The following RUNX2 variants were observed in gnomAD, a reference collection of about 807,000 sequenced individuals.
RUNX2 encodes the protein RUNX family transcription factor 2, also known as runt-related transcription factor 2.
A neutral mutation model predicts 51.7 loss-of-function variants in RUNX2; 10 were observed. The observed-to-expected ratio is 0.19, with a 90% confidence interval of 0.12 to 0.33. The LOEUF is 0.33. Among genes scored for constraint, RUNX2 ranks in the 10% least tolerant of loss-of-function variants. The probability of loss-of-function intolerance (pLI) is 1.00; values close to 1 mark genes in which losing one functional copy is unlikely to be tolerated. For missense variants in RUNX2, 562 were observed against 691.3 expected, an observed-to-expected ratio of 0.81 and a Z score of 2.10; for synonymous variants, 276 against 273.6, an observed-to-expected ratio of 1.01 and a Z score of -0.09.
At chr6:45,341,279 C>T (rs1789721225) in intron 2 of RUNX2, among the ~76,000 whole-genome samples, 1 of 152,100 alleles carries the variant, frequency 6.6e-6, no homozygotes, top group African/African-American at 2.4e-5. Flanking sequence ...AGAAAAAATG[C>T]TGATTAGAAA....
At chr6:45,416,999 A>G (rs775059374) in intron 2 of RUNX2, among the ~76,000 whole-genome samples, 1 of 152,228 alleles carries the variant, frequency 6.6e-6, no homozygotes, top group Non-Finnish European at 1.5e-5. Flanking sequence ...AAATTATTAT[A>G]GGTCCATTGA....
At chr6:45,336,278 C>T (rs905335129) in intron 2 of RUNX2, among the ~76,000 whole-genome samples, 3 of 151,338 alleles carry the variant, frequency 2.0e-5, no homozygotes, top group African/African-American at 7.2e-5. Flanking sequence ...AAGCTTTATT[C>T]TTGATTATGT....
intron 2 of RUNX2, among the ~76,000 whole-genome samples, chr6:45,338,510 C>A (rs1789089554): frequency 6.6e-6 from 1 of 152,008 alleles, no homozygotes; most frequent in Non-Finnish European, 1.5e-5. Context: ...GCTACAAGAG[C>A]ACTGATTTCA....
rs183099648 is a variant in RUNX2 at position 45,409,527 on chromosome 6, C to T, written c.59-13066C>T. On this transcript the variant is annotated intron_variant, in intron 2 of 8. Transcript: ENST00000647337. ...TATATCTAGGGTAGATACTTAGGTA[C>T]GGAATTGCTAAGTCATACAGCATAT... Among the ~76,000 whole-genome samples the T allele has an allele frequency of 2.2e-3, 329 of 152,200 alleles. 1 individual carries two copies. Among genetic ancestry groups the T allele is most frequent in the African/African-American group, 7.1e-3 (294 of 41,528 alleles).
rs1453410648 is a variant in RUNX2, at chr6:45,550,919, C to A, written c.*3614C>A. On this transcript the variant is annotated 3_prime_UTR_variant, in exon 9 of 9. Transcript: ENST00000647337. ...CATATTGTAAAAATTCCGCTTTGTG[C>A]CACAGGTCATGATTGTGGATGAGTT... The A allele has an allele frequency of 2.6e-5, 4 of 152,552 alleles. No individual in the cohort carries two copies. The highest frequency in any genetic ancestry group is 9.7e-5 in the African/African-American group (4 of 41,414). The allele number at this position is 152,552 out of a possible 1,614,324, so 9.4% of individuals were successfully genotyped here. A position where few individuals can be genotyped will look rare whatever the true frequency, so the allele number is the denominator to read the frequency against.
chr6:45,357,482 T>TA (rs1793455841), intron 2 of RUNX2, among the ~76,000 whole-genome samples: 1 of 151,998 alleles, frequency 6.6e-6, no homozygotes, highest in African/African-American at 2.4e-5. Flanking sequence ...AGGGCCCAGA[T>TA]AATTGCTTTT....
At chr6:45,389,384 G>T (rs763126399) in intron 2 of RUNX2, among the ~76,000 whole-genome samples, 24 of 152,262 alleles carry the variant, frequency 1.6e-4, no homozygotes, top group South Asian at 1.0e-3. Flanking sequence ...ACAGATCACT[G>T]GTCTAGAAAG....
At chr6:45,426,841 C>G (rs913602064) in intron 3 of RUNX2, among the ~76,000 whole-genome samples, 2 of 152,264 alleles carry the variant, frequency 1.3e-5, no homozygotes, top group African/African-American at 4.8e-5. Flanking sequence ...CCATTTTTCT[C>G]TCTTCGAAAA....
intron 2 of RUNX2, among the ~76,000 whole-genome samples, chr6:45,419,521 G>C (rs1419702493): frequency 6.6e-6 from 1 of 152,156 alleles, no homozygotes; most frequent in Non-Finnish European, 1.5e-5. Context: ...GTGTGTGTCC[G>C]AGTGCACATG....
intron 7 of RUNX2, among the ~76,000 whole-genome samples, chr6:45,541,841 T>C (rs1474594002): frequency 6.6e-6 from 1 of 152,234 alleles, no homozygotes; most frequent in Non-Finnish European, 1.5e-5. Flanking sequence ...TCTGTTATTT[T>C]GGTCAAATTC....
chr6:45,328,837 A>T, intron 2 of RUNX2, 53 bp downstream of exon 2: 1 of 1,561,828 alleles, frequency 6.4e-7, no homozygotes, highest in African/African-American at 1.4e-5. Flanking sequence ...TTAAACATAA[A>T]GGTATGATTC....
At chr6:45,503,036 C>T (rs1800845506) in intron 6 of RUNX2, among the ~76,000 whole-genome samples, 1 of 152,178 alleles carries the variant, frequency 6.6e-6, no homozygotes, top group African/African-American at 2.4e-5. Flanking sequence ...CCCTCTTAAC[C>T]TCCCTTACTC....
chr6:45,536,215 G>A (rs1802029124), intron 7 of RUNX2, among the ~76,000 whole-genome samples: 1 of 152,048 alleles, frequency 6.6e-6, no homozygotes, highest in African/African-American at 2.4e-5. Context: ...CCTGGGGCAG[G>A]AACCCCTCCC....
intron 2 of RUNX2, among the ~76,000 whole-genome samples, chr6:45,414,824 A>G (rs1798031373): frequency 8.6e-6 from 1 of 116,102 alleles, no homozygotes; most frequent in African/African-American, 3.4e-5. Flanking sequence ...ATTTTTGCCC[A>G]GGATTTTGTT....
rs545484388 is a variant in RUNX2, at chr6:45,459,214, C to T, written c.685+21163C>T. 2.0e-5 allele frequency among the ~76,000 whole-genome samples: 3 copies of T among 152,326 alleles called. No homozygotes were observed. In the South Asian group the frequency reaches 6.2e-4, roughly 32 times the overall value. The stretch of plus-strand genomic sequence containing the variant: ...TTGTACACATTCTTATGGTCACATA[C>T]ATCATGATCTTCCATTTTCAGTATC... On this transcript the variant is annotated intron_variant, in intron 5 of 8. Coordinates refer to ENST00000647337, the MANE Select transcript of RUNX2 (RefSeq NM_001024630.4).
intron 2 of RUNX2, among the ~76,000 whole-genome samples, chr6:45,346,455 C>T (rs934313598): frequency 6.6e-6 from 1 of 152,112 alleles, no homozygotes; most frequent in Non-Finnish European, 1.5e-5. Flanking sequence ...CACTAAACTA[C>T]ACACTCTCTT....
chr6:45,410,194 G>A (rs1488344631), intron 2 of RUNX2, among the ~76,000 whole-genome samples: 1 of 152,160 alleles, frequency 6.6e-6, no homozygotes, highest in Admixed American at 6.6e-5. Context: ...GAACGAAATT[G>A]TATTCTAAAA....
chr6:45,543,409 G>A (rs183606258), intron 7 of RUNX2, among the ~76,000 whole-genome samples: 30 of 152,228 alleles, frequency 2.0e-4, no homozygotes, highest in Non-Finnish European at 2.9e-5. Flanking sequence ...GTTGTTCCTT[G>A]CTATTTTAAA....
chr6:45,413,096 T>C (rs574498450), intron 2 of RUNX2, among the ~76,000 whole-genome samples: 2 of 152,320 alleles, frequency 1.3e-5, no homozygotes, highest in South Asian at 4.1e-4. Flanking sequence ...TAATGGAATC[T>C]ATTTTATTTA....
Sources: allele counts gnomAD v4.1 joint callset (sites outside exome capture counted in the v4.1 genomes callset), GRCh38; gene constraint gnomAD v4.1.1; transcripts MANE v1.5; gene names NCBI Gene and HGNC (gene_info 2026-07-23, HGNC 2026-07-21).